The following SLC35F4 variants were observed in gnomAD, a reference collection of about 807,000 sequenced individuals.
SLC35F4 encodes chromosome 14 open reading frame 36.
Under a neutral mutation model 44.2 loss-of-function variants are expected in SLC35F4, and 24 were observed. That is an observed-to-expected ratio of 0.54 (90% CI 0.39 to 0.76). The LOEUF (loss-of-function observed/expected upper bound fraction) is 0.76. SLC35F4 is among the 30% of genes least tolerant of loss of function. The pLI is 0.00. For missense variants in SLC35F4, 562 were observed against 586.1 expected, an observed-to-expected ratio of 0.96 and a Z score of 0.42; for synonymous variants, 238 against 223.6, an observed-to-expected ratio of 1.06 and a Z score of -0.57.
intron 1 of SLC35F4, among the ~76,000 whole-genome samples, chr14:57,684,376 G>T (rs2075005161): frequency 6.6e-6 from 1 of 152,092 alleles, no homozygotes; most frequent in Admixed American, 6.5e-5. Context: ...TGGGGTGAAG[G>T]GATGGCTTCA....
At chr14:57,717,726 G>C (rs2075980367) in intron 1 of SLC35F4, among the ~76,000 whole-genome samples, 1 of 151,870 alleles carries the variant, frequency 6.6e-6, no homozygotes, top group Non-Finnish European at 1.5e-5. Flanking sequence ...TTTAATTTTT[G>C]TGGGTACATA....
intron 1 of SLC35F4, among the ~76,000 whole-genome samples, chr14:57,793,022 G>A (rs1292129756): frequency 6.6e-6 from 1 of 151,692 alleles, no homozygotes; most frequent in Admixed American, 6.6e-5. Flanking sequence ...AAAATTAAGG[G>A]GTGTAACTTA....
chr14:57,751,269 GTAAA>G (rs2076878315), intron 1 of SLC35F4, among the ~76,000 whole-genome samples: 1 of 152,182 alleles, frequency 6.6e-6, no homozygotes, highest in African/African-American at 2.4e-5. Context: ...CTTCAGGTAA[GTAAA>G]TATTCAACAT....
At chr14:57,752,017 G>A (rs1594961001) in intron 1 of SLC35F4, among the ~76,000 whole-genome samples, 1 of 151,974 alleles carries the variant, frequency 6.6e-6, no homozygotes, top group African/African-American at 2.4e-5. Context: ...GGTAGAGAAA[G>A]GAAAATTGCC....
At chr14:57,597,525 C>T (rs1358411436) in intron 1 of SLC35F4, among the ~76,000 whole-genome samples, 1 of 152,192 alleles carries the variant, frequency 6.6e-6, no homozygotes, top group Non-Finnish European at 1.5e-5. Flanking sequence ...ATGGAACTCT[C>T]AGTTTTGTAT....
chr14:57,691,502 T>C (rs1422959021), intron 1 of SLC35F4, among the ~76,000 whole-genome samples: 1 of 152,198 alleles, frequency 6.6e-6, no homozygotes, highest in African/African-American at 2.4e-5. Flanking sequence ...TACTAGCATG[T>C]GAATAAATCA....
intron 1 of SLC35F4, among the ~76,000 whole-genome samples, chr14:57,911,155 C>G (rs1249523947): frequency 6.6e-6 from 1 of 151,654 alleles, no homozygotes; most frequent in African/African-American, 2.4e-5. Flanking sequence ...CTTATAAGTT[C>G]CAGGGGTTTG....
At chr14:57,880,734 C>T (rs770814492) in intron 1 of SLC35F4, among the ~76,000 whole-genome samples, 13 of 152,146 alleles carry the variant, frequency 8.5e-5, no homozygotes, top group Non-Finnish European at 1.6e-4. Flanking sequence ...GTCTGGAGAT[C>T]TCATTGAGTG....
chr14:57,719,523 A>G (rs569617473), intron 1 of SLC35F4, among the ~76,000 whole-genome samples: 10 of 151,760 alleles, frequency 6.6e-5, no homozygotes, highest in Non-Finnish European at 4.4e-5. Context: ...TTCTCATTTT[A>G]GAGAACTTTC....
chr14:57,730,189 T>A (rs76237902), intron 1 of SLC35F4, among the ~76,000 whole-genome samples: 3,753 of 152,326 alleles, frequency 0.025, 90 homozygotes, highest in African/African-American at 0.061. Flanking sequence ...ATTGCTCATC[T>A]GATTTTTGTT....
intron 1 of SLC35F4, among the ~76,000 whole-genome samples, chr14:57,607,552 T>G (rs1228612049): frequency 6.6e-6 from 1 of 152,212 alleles, no homozygotes; most frequent in Non-Finnish European, 1.5e-5. Context: ...TAGAAGCCTC[T>G]TCCTCACTTA....
At chr14:57,641,450 A>G (rs2073233913) in intron 1 of SLC35F4, among the ~76,000 whole-genome samples, 1 of 151,850 alleles carries the variant, frequency 6.6e-6, no homozygotes, top group Non-Finnish European at 1.5e-5. Context: ...ACCCAATAAA[A>G]CAGAAACACC....
At chr14:57,576,526 A>G (rs563428652) in intron 4 of SLC35F4, among the ~76,000 whole-genome samples, 2 of 152,338 alleles carry the variant, frequency 1.3e-5, no homozygotes, top group African/African-American at 4.8e-5. Flanking sequence ...TTTTCAAGGA[A>G]CTATGGCTAT....
chr14:57,762,037 C>G (rs1325907722), intron 1 of SLC35F4, among the ~76,000 whole-genome samples: 1 of 152,184 alleles, frequency 6.6e-6, no homozygotes, highest in African/African-American at 2.4e-5. Context: ...TAGGTCACAG[C>G]TGGAAACACC....
intron 1 of SLC35F4, among the ~76,000 whole-genome samples, chr14:57,684,674 C>T (rs926754258): frequency 6.6e-6 from 1 of 152,170 alleles, no homozygotes; most frequent in African/African-American, 2.4e-5. Flanking sequence ...TCCTGAAGAG[C>T]TCTTCCTGGC....
At chr14:57,929,441 C>T (rs986305821) in intron 1 of SLC35F4, among the ~76,000 whole-genome samples, 6 of 151,912 alleles carry the variant, frequency 3.9e-5, no homozygotes, top group Non-Finnish European at 7.4e-5. Flanking sequence ...CACCTTAGAG[C>T]GGGAGAGAAC....
chr14:57,933,914 T>G (rs890181214), intron 1 of SLC35F4, among the ~76,000 whole-genome samples: 1 of 152,158 alleles, frequency 6.6e-6, no homozygotes, highest in Admixed American at 6.5e-5. Flanking sequence ...TAAAATACCT[T>G]AACAATTCGA....
chr14:57,693,420 C>G (rs1163387826), intron 1 of SLC35F4, among the ~76,000 whole-genome samples: 1 of 151,086 alleles, frequency 6.6e-6, no homozygotes, highest in African/African-American at 2.4e-5. Context: ...GGAATGAGGG[C>G]AGGAACACCT....
At chr14:57,755,870 T>C (rs1360036362) in intron 1 of SLC35F4, among the ~76,000 whole-genome samples, 1 of 152,216 alleles carries the variant, frequency 6.6e-6, no homozygotes, top group Non-Finnish European at 1.5e-5. Flanking sequence ...ACAAAGCCAT[T>C]AAGAGGCACT....
Sources: allele counts gnomAD v4.1 joint callset (sites outside exome capture counted in the v4.1 genomes callset), GRCh38; gene constraint gnomAD v4.1.1; transcripts MANE v1.5; gene names NCBI Gene and HGNC (gene_info 2026-07-23, HGNC 2026-07-21).